The following CENPF variants were observed in gnomAD, a reference collection of about 807,000 sequenced individuals.
The protein encoded by CENPF is AH antigen.
A neutral mutation model predicts 307.3 loss-of-function variants in CENPF; 214 were observed. The observed-to-expected ratio is 0.70, with a 90% CI of 0.62 to 0.78. The LOEUF is 0.78. Among genes scored for constraint, CENPF ranks in the 30% least tolerant of loss-of-function variants. The pLI is 0.00. For missense variants in CENPF, 3,401 were observed against 3,483.9 expected (o/e 0.98, Z 0.60); for synonymous variants, 1,259 against 1,270.6 (o/e 0.99, Z 0.19).
At chr1:214,638,852 G>A (rs1253958054) in intron 11 of CENPF, among the ~76,000 whole-genome samples, 1 of 152,190 alleles carries the variant, frequency 6.6e-6, no homozygotes. Context: ...ACAGCTTTTA[G>A]TTTTTCCACA....
chr1:214,605,333 A>G (rs1398954247), intron 1 of CENPF: 1 of 262,642 alleles, frequency 3.8e-6, no homozygotes, highest in Non-Finnish European at 7.3e-6. Context: ...GGAAGTCACC[A>G]TCATTATTAT....
rs748965165 is a variant in CENPF at position 214,630,713 on chromosome 1, G to A, written c.1323+51G>A. ...CCTTAATCATCCCCTCTTGTTCCTT[G>A]TACTTGTTACTTCTCTACCATAACT... On this transcript the variant is annotated intron_variant, in intron 9 of 19. Transcript: ENST00000366955. The A allele has an allele frequency of 6.9e-6, 11 of 1,591,626 alleles. No individual in the cohort carries two copies. In the South Asian group the frequency reaches 1.3e-4, roughly 18 times the overall value.
intron 7 of CENPF, among the ~76,000 whole-genome samples, chr1:214,626,785 C>T (rs80351929): frequency 0.017 from 2,523 of 152,256 alleles, 70 homozygotes; most frequent in African/African-American, 0.056. Context: ...ACATGGTGAA[C>T]TTATAATAAT....
chr1:214,620,563 C>T (rs1268283569), intron 5 of CENPF, 92 bp from the exon 6 acceptor site: 1 of 1,347,196 alleles, frequency 7.4e-7, no homozygotes, highest in Admixed American at 2.3e-5. Flanking sequence ...CTGTTAACTT[C>T]TTGGGATTAT....
At chr1:214,662,821 C>A (rs1658821881) in intron 19 of CENPF, among the ~76,000 whole-genome samples, 1 of 151,826 alleles carries the variant, frequency 6.6e-6, no homozygotes, top group African/African-American at 2.4e-5. Context: ...GCTCTGTCCC[C>A]CAGGCTGGAG....
At chr1:214,658,321 T>C (rs372806730) in intron 18 of CENPF, among the ~76,000 whole-genome samples, 1 of 152,206 alleles carries the variant, frequency 6.6e-6, no homozygotes, top group African/African-American at 2.4e-5. Flanking sequence ...CTTCCTTCTG[T>C]GGAAAGAGAC....
rs749642432 is a variant in CENPF, at chr1:214,645,384, C to T, written c.5814C>T (p.Asp1938=). 2 of 1,613,846 alleles carry T rather than the reference C, an allele frequency of 1.2e-6. No individual in the cohort carries two copies. The highest frequency in any genetic ancestry group is 3.3e-5 in the Admixed American group (2 of 59,968). ...VQTEKLCLEK[D]NENKQKVIVC... is the part of the protein sequence containing the mutation. The stretch of plus-strand genomic sequence containing the variant: ...CAGAGAAGCTATGTTTAGAAAAAGA[C>T]AATGAAAATAAGCAGAAGGTTATTG... The change falls in exon 13 of 20, where the codon GAC becomes GAT. Residue 1938 remains aspartate, a synonymous_variant. Transcript: ENST00000366955.
intron 14 of CENPF, 40 bp from the exon 15 acceptor site, chr1:214,651,670 T>G: frequency 1.4e-6 from 2 of 1,427,262 alleles, no homozygotes; most frequent in South Asian, 1.4e-5. Context: ...TTCTTAATTA[T>G]GAGGAGGTGC....
At chr1:214,638,089 C>G in intron 11 of CENPF, 88 bp downstream of exon 11, 1 of 1,331,972 alleles carries the variant, frequency 7.5e-7, no homozygotes, top group Non-Finnish European at 1.0e-6. Flanking sequence ...TAGAGAAACT[C>G]TTTGGATTTT....
In CENPF at chr1:214,642,961, C is replaced by T; in HGVS notation, c.4623C>T (p.Thr1541=). The T allele has an allele frequency of 1.2e-6, 2 of 1,612,652 alleles. No individual in the cohort carries two copies. The highest frequency in any genetic ancestry group is 2.2e-5 in the East Asian group (1 of 44,854). Residue 1541 remains threonine (T), a synonymous_variant, in exon 12 of 20, where the codon ACC becomes ACT. Coordinates refer to ENST00000366955, the MANE Select transcript of CENPF (RefSeq NM_016343.4). ...LQEENLTRKE[T]PSAPAKGVEE... is the part of the protein sequence containing the mutation. ...AGGAGAATCTGACCAGGAAAGAAAC[C>T]CCTTCGGCCCCAGCGAAGGGTGTTG...
intron 1 of CENPF, chr1:214,608,299 C>T: frequency 6.3e-7 from 1 of 1,575,702 alleles, no homozygotes; most frequent in South Asian, 1.1e-5. Context: ...GAGCTGCCCC[C>T]AGGGTTGCCC....
chr1:214,655,250 C>A lies in CENPF; in HGVS notation c.8332C>A (p.Leu2778Ile). The A allele has an allele frequency of 1.3e-6, 2 of 1,584,626 alleles. No individual in the cohort carries two copies. Among genetic ancestry groups the A allele is most frequent in the South Asian group, 1.2e-5 (1 of 84,192 alleles). Residue 2778 changes from leucine to isoleucine, a missense_variant, in exon 17 of 20, where the codon CTA becomes ATA. Transcript: ENST00000366955. ...EELKKTKMDN[L>I]KYVNQLKKEN... Reference sequence around the variant, plus strand: ...TACTTTTATTTTGTAGATGGACAATCTAAAATATGTAAATCAGTTGAAGAA... The same window carrying A: ...TACTTTTATTTTGTAGATGGACAATATAAAATATGTAAATCAGTTGAAGAA...
In CENPF at chr1:214,648,769, A is replaced by G. The variant is rs1658379945; in HGVS notation, c.7925A>G (p.Glu2642Gly). The G allele has an allele frequency of 3.1e-6, 5 of 1,614,096 alleles. No individual in the cohort carries two copies. In the East Asian group the frequency reaches 1.1e-4, roughly 36 times the overall value. ...TAELQEELSG[E>G]KNRLAGELQL... ...GAGCTGCAAGAAGAACTCAGTGGAG[A>G]GAAAAATAGGCTAGCTGGAGAGTTG... is the stretch of plus-strand genomic sequence containing the variant. Residue 2642 changes from glutamate to glycine, a missense_variant, in exon 14 of 20, where the codon GAG becomes GGG. Transcript: ENST00000366955.
rs752019161 is a variant in CENPF, at chr1:214,632,633, CTTAT to C, written c.1446+32_1446+35del. ...GGAGGAGGATGCCGAATTTTCTCCA[CTTAT>C]GTAAGAACCAAGTGCAAGGGGAAAA... On this transcript the variant is annotated intron_variant, in intron 10 of 19. Coordinates refer to ENST00000366955, the MANE Select transcript of CENPF (RefSeq NM_016343.4). 2.5e-6 allele frequency: 4 copies of C among 1,609,804 alleles called. No individual in the cohort carries two copies. The Admixed American group carries it at 5.1e-5, about 20-fold the overall frequency.
Position 214,647,252 on chromosome 1 carries a change from T to C in CENPF, c.7682T>C (p.Leu2561Pro). ...GAGCAAAACTTAGAACTGAGAAATC[T>C]GACAGTGGAATTGGAGCAGAAGATC... Reference protein sequence around the residue: ...WKEQNLELRNLTVELEQKIQV... With the variant: ...WKEQNLELRNPTVELEQKIQV... The change falls in exon 13 of 20, where the codon CTG becomes CCG. Residue 2561 changes from leucine to proline, a missense_variant. Coordinates refer to ENST00000366955, the MANE Select transcript of CENPF (RefSeq NM_016343.4). 1 of 1,614,048 alleles carries C rather than the reference T, an allele frequency of 6.2e-7. No homozygotes were observed. Among genetic ancestry groups the C allele is most frequent in the Non-Finnish European group, 8.5e-7 (1 of 1,179,962 alleles).
In CENPF at chr1:214,645,702, A is replaced by T; in HGVS notation, c.6132A>T (p.Ser2044=). The T allele has an allele frequency of 6.2e-7, 1 of 1,614,214 alleles. No homozygotes were observed. The highest frequency in any genetic ancestry group is 8.5e-7 in the Non-Finnish European group (1 of 1,180,020). Residue 2044 remains serine (S), a synonymous_variant, in exon 13 of 20, where the codon TCA becomes TCT. Coordinates refer to ENST00000366955, the MANE Select transcript of CENPF (RefSeq NM_016343.4). ...QEKLQSLEKD[S]QALSLTKCEL... ...AGCTGCAGAGTTTGGAAAAGGACTCACAGGCACTGTCTTTGACAAAATGTG... is the reference window on the plus strand; with the variant it reads ...AGCTGCAGAGTTTGGAAAAGGACTCTCAGGCACTGTCTTTGACAAAATGTG...
In CENPF at chr1:214,620,808, G is replaced by C. The variant is rs1657484753; in HGVS notation, c.727G>C (p.Ala243Pro). 2 of 1,614,012 alleles carry C rather than the reference G, an allele frequency of 1.2e-6. No homozygotes were observed. The highest frequency in any genetic ancestry group is 1.7e-5 in the Admixed American group (1 of 59,988). The change falls in exon 6 of 20, where the codon GCA becomes CCA. Residue 243 changes from alanine (A) to proline (P), a missense_variant. By Grantham distance (27) the Ala-to-Pro change is conservative. Coordinates refer to ENST00000366955, the MANE Select transcript of CENPF (RefSeq NM_016343.4). The part of the protein sequence containing the change: ...QRTPIRRDFS[A>P]SYFSGEQEVT... ...AACTCCAATTAGGAGAGATTTCTCT[G>C]CATCTTACTTTTCTGGGGAACAAGA...
At chr1:214,625,941 AC>A (rs1657643674) in intron 7 of CENPF, among the ~76,000 whole-genome samples, 1 of 152,156 alleles carries the variant, frequency 6.6e-6, no homozygotes, top group South Asian at 2.1e-4. Flanking sequence ...CAACTCTTAA[AC>A]ATATTTTAAA....
chr1:214,613,883 T>C lies in CENPF; in HGVS notation c.129T>C (p.Ser43=), dbSNP rs1657265085. Residue 43 remains serine (S), a synonymous_variant, in exon 2 of 20, where the codon AGT becomes AGC. Transcript: ENST00000366955. The part of the protein sequence containing the change: ...EKQQRQFQLD[S]LEAALQKQKQ... ...AGCAAAGGCAGTTTCAGCTTGACAG[T>C]CTCGAGGCTGCGCTGCAGAAGCAAA... 2 of 1,613,532 alleles carry C rather than the reference T, an allele frequency of 1.2e-6. No homozygotes were observed. The highest frequency in any genetic ancestry group is 1.7e-6 in the Non-Finnish European group (2 of 1,179,804).
Sources: allele counts gnomAD v4.1 joint callset (sites outside exome capture counted in the v4.1 genomes callset), GRCh38; gene constraint gnomAD v4.1.1; transcripts MANE v1.5; gene names NCBI Gene and HGNC (gene_info 2026-07-23, HGNC 2026-07-21).